REPS1: variants seen among roughly 807,000 people sequenced by gnomAD.
The protein encoded by REPS1 is ralBP1-associated Eps domain-containing protein 1.
In REPS1, 39 loss-of-function variants were observed where a neutral mutation model predicts 100.9. The ratio of observed to expected loss-of-function variants is 0.39; its 90% CI spans 0.30 to 0.50. The LOEUF (loss-of-function observed/expected upper bound fraction) is 0.50, where lower values mean the gene tolerates loss of function less well. Among genes scored for constraint, REPS1 ranks in the 20% least tolerant of loss-of-function variants. The pLI is 0.86. For missense variants in REPS1, 821 were observed against 968.5 expected, an observed-to-expected ratio of 0.85 and a Z score of 2.02; for synonymous variants, 324 against 340.3, an observed-to-expected ratio of 0.95 and a Z score of 0.53.
intron 1 of REPS1, among the ~76,000 whole-genome samples, chr6:138,977,964 T>C (rs1784691785): frequency 6.6e-6 from 1 of 152,256 alleles, no homozygotes; most frequent in South Asian, 2.1e-4. Flanking sequence ...TATATCACTG[T>C]GATTTAATTT....
intron 18 of REPS1, 151 bp from the exon 19 acceptor site, chr6:138,907,751 G>A (rs550925666): frequency 5.6e-6 from 3 of 539,590 alleles, no homozygotes; most frequent in Non-Finnish European, 1.0e-5. Flanking sequence ...CTCAGTTGCA[G>A]TAGTATATAA....
intron 18 of REPS1, among the ~76,000 whole-genome samples, chr6:138,908,182 T>C (rs186903726): frequency 5.9e-5 from 9 of 152,064 alleles, no homozygotes; most frequent in African/African-American, 1.4e-4. Context: ...TAAAATGGCA[T>C]TGAATTCAAC....
intron 8 of REPS1, 93 bp downstream of exon 8, chr6:138,941,242 G>C (rs1782228180): frequency 1.5e-6 from 2 of 1,336,158 alleles, no homozygotes; most frequent in African/African-American, 1.5e-5. Context: ...AAGCTATTAA[G>C]CTAAGGTTAA....
In REPS1 at chr6:138,988,130, AGTTGT is replaced by A. The variant is rs1245011312; in HGVS notation, c.-453_-449del. ...TCCGGAGCGGCAGCGCTTCCCGGAA[AGTTGT>A]GGGGCTTCGAACCTAAAGTTTCGGG... is the stretch of plus-strand genomic sequence containing the variant. On this transcript the variant is annotated 5_prime_UTR_variant, in exon 1 of 20. Transcript: ENST00000450536. 5.0e-6 allele frequency: 2 copies of A among 397,804 alleles called. No individual in the cohort carries two copies. The highest frequency in any genetic ancestry group is 8.9e-6 in the Non-Finnish European group (2 of 225,672). 24.6% of individuals were successfully genotyped at this position (397,804 alleles called of 1,614,324 possible). A position where few individuals can be genotyped will look rare whatever the true frequency, so the allele number is the denominator to read the frequency against.
chr6:138,984,645 T>C (rs1464404398), intron 1 of REPS1, among the ~76,000 whole-genome samples: 1 of 152,214 alleles, frequency 6.6e-6, no homozygotes, highest in Admixed American at 6.5e-5. Context: ...TGAGTACCAC[T>C]GGCCCAGTTT....
At chr6:138,927,383 T>C (rs1050818158) in intron 9 of REPS1, 6 of 152,164 alleles carry the variant, frequency 3.9e-5, no homozygotes, top group African/African-American at 1.2e-4. Flanking sequence ...AGTAATAAAA[T>C]GGTATAGAAT....
rs933109147 is a variant in REPS1 at position 138,951,456 on chromosome 6, G to A, written c.154-3543C>T. Among the ~76,000 whole-genome samples, 22 of 152,006 alleles carry A rather than the reference G, an allele frequency of 1.4e-4. No homozygotes were observed. In the East Asian group the frequency reaches 4.2e-3, roughly 29 times the overall value. ...AACATAGAACCTTCCTTTGATTCCT[G>A]GAATGAATTTCATTTAGACGTGGTG... On this transcript the variant is annotated intron_variant, in intron 1 of 19. Coordinates refer to ENST00000450536, the MANE Select transcript of REPS1 (RefSeq NM_001286611.2).
intron 10 of REPS1, among the ~76,000 whole-genome samples, chr6:138,923,504 G>T (rs921801374): frequency 6.6e-6 from 1 of 152,176 alleles, no homozygotes; most frequent in African/African-American, 2.4e-5. Flanking sequence ...ATGTTAACTA[G>T]CATTTTCATA....
intron 8 of REPS1, among the ~76,000 whole-genome samples, chr6:138,933,745 G>A (rs1027890191): frequency 2.6e-5 from 4 of 152,008 alleles, no homozygotes; most frequent in African/African-American, 9.7e-5. Flanking sequence ...TATGCCAATA[G>A]GTAATGGATT....
At chr6:138,981,733 TCAGA>T (rs1385991319) in intron 1 of REPS1, among the ~76,000 whole-genome samples, 1 of 152,200 alleles carries the variant, frequency 6.6e-6, no homozygotes, top group Non-Finnish European at 1.5e-5. Flanking sequence ...CATAGCTATA[TCAGA>T]CATTCTGTGA....
Position 138,939,508 on chromosome 6 carries a change from A to G in REPS1, c.1135+1827T>C, listed in dbSNP as rs1454904700. Among the ~76,000 whole-genome samples the G allele has an allele frequency of 5.3e-5, 8 of 152,360 alleles. No homozygotes were observed. In the East Asian group the frequency reaches 1.2e-3, roughly 22 times the overall value. On this transcript the variant is annotated intron_variant, in intron 8 of 19. Transcript: ENST00000450536. Reference sequence around the variant, plus strand: ...ATTTAAATTAAAGGAAAAATTAAATATATGCAAAAGCCAGATTCACTGACA... The same window carrying G: ...ATTTAAATTAAAGGAAAAATTAAATGTATGCAAAAGCCAGATTCACTGACA...
chr6:138,969,249 A>G (rs1283617594), intron 1 of REPS1, among the ~76,000 whole-genome samples: 4 of 136,934 alleles, frequency 2.9e-5, no homozygotes, highest in African/African-American at 1.1e-4. Context: ...ACAACACACA[A>G]TCTATGATAC....
In REPS1 at chr6:138,941,616, C is replaced by A. The variant is rs535360114; in HGVS notation, c.981-127G>T. ...ACTCAGTAATTATAAAAATCCCATA[C>A]ACAGAAAGATGTGTAATATAGCAAA... On this transcript the variant is annotated intron_variant, in intron 7 of 19. Transcript: ENST00000450536. 14 of 883,740 alleles carry A rather than the reference C, an allele frequency of 1.6e-5. No homozygotes were observed. In the South Asian group the frequency reaches 2.0e-4, roughly 13 times the overall value. The allele number at this position is 883,740 out of a possible 1,614,324, so 54.7% of individuals were successfully genotyped here.
At chr6:138,981,604 T>C (rs1180585526) in intron 1 of REPS1, among the ~76,000 whole-genome samples, 2 of 152,212 alleles carry the variant, frequency 1.3e-5, no homozygotes, top group South Asian at 2.1e-4. Flanking sequence ...AGTGTCAAGA[T>C]AGTGGAGCAA....
At position 138,987,825 on chromosome 6, in the gene REPS1, G is replaced by A. The variant is rs1313461381; in HGVS notation, c.-143C>T. ...CCGGCCCCGGCCTCACACGCGCCAG[G>A]TGCGCCCGAGCAACAGGGCCCGGAG... is the stretch of plus-strand genomic sequence containing the variant. On this transcript the variant is annotated 5_prime_UTR_variant, in exon 1 of 20. Coordinates refer to ENST00000450536, the MANE Select transcript of REPS1 (RefSeq NM_001286611.2). 4 of 1,043,364 alleles carry A rather than the reference G, an allele frequency of 3.8e-6. No homozygotes were observed. Among genetic ancestry groups the A allele is most frequent in the Admixed American group, 4.2e-5 (1 of 24,066 alleles). 64.6% of individuals were successfully genotyped at this position (1,043,364 alleles called of 1,614,324 possible). A position where few individuals can be genotyped will look rare whatever the true frequency, so the allele number is the denominator to read the frequency against.
At chr6:138,934,387 C>T (rs17068128) in intron 8 of REPS1, 25,056 of 466,146 alleles carry the variant, frequency 0.054, 1,792 homozygotes, top group African/African-American at 0.23. Context: ...AGGGCTGTTA[C>T]GCAAAAAGTA....
chr6:138,940,265 A>T lies in REPS1; in HGVS notation c.1135+1070T>A, dbSNP rs577153489. 6.6e-5 allele frequency among the ~76,000 whole-genome samples: 10 copies of T among 152,342 alleles called. No homozygotes were observed. In the East Asian group the frequency reaches 1.7e-3, roughly 26 times the overall value. On this transcript the variant is annotated intron_variant, in intron 8 of 19. Transcript: ENST00000450536. Reference sequence around the variant, plus strand: ...CATTTGAGACCCAAATTCTATTTGAACTTCCCTTTTAAAAGTATAAAATTC... The same window carrying T: ...CATTTGAGACCCAAATTCTATTTGATCTTCCCTTTTAAAAGTATAAAATTC...
chr6:138,952,244 A>G (rs1351553880), intron 1 of REPS1, among the ~76,000 whole-genome samples: 1 of 152,208 alleles, frequency 6.6e-6, no homozygotes, highest in Admixed American at 6.5e-5. Flanking sequence ...TCTGAACTGG[A>G]AAGGAAGAAG....
At chr6:138,940,267 T>A (rs1360943428) in intron 8 of REPS1, among the ~76,000 whole-genome samples, 2 of 152,208 alleles carry the variant, frequency 1.3e-5, no homozygotes, top group South Asian at 4.1e-4. Context: ...CTATTTGAAC[T>A]TCCCTTTTAA....
Sources: allele counts gnomAD v4.1 joint callset (sites outside exome capture counted in the v4.1 genomes callset), GRCh38; gene constraint gnomAD v4.1.1; transcripts MANE v1.5; gene names NCBI Gene and HGNC (gene_info 2026-07-23, HGNC 2026-07-21).